Variants in WDPCP observed in about 807,000 individuals in gnomAD.
WDPCP encodes the protein WD repeat containing planar cell polarity effector, also known as WD repeat-containing and planar cell polarity effector protein fritz homolog.
In WDPCP, 71 loss-of-function variants were observed where a neutral mutation model predicts 93.1. The observed-to-expected ratio is 0.76, with a 90% CI of 0.63 to 0.93. The LOEUF (loss-of-function observed/expected upper bound fraction) is 0.93. Among genes scored for constraint, WDPCP ranks in the 40% least tolerant of loss-of-function variants. The pLI, the probability that WDPCP is intolerant of heterozygous loss-of-function variation, is 0.00. For missense variants in WDPCP, 844 were observed against 887.4 expected, an observed-to-expected ratio of 0.95 and a Z score of 0.62; for synonymous variants, 315 against 315.0, an observed-to-expected ratio of 1.00 and a Z score of 0.00.
intron 13 of WDPCP, among the ~76,000 whole-genome samples, chr2:63,278,261 C>T (rs778155397): frequency 1.6e-4 from 24 of 152,008 alleles, no homozygotes; most frequent in South Asian, 4.1e-4. Context: ...ACAGCAAAAG[C>T]GGTGCTAAGA....
At chr2:63,295,821 T>C (rs1006898793) in intron 13 of WDPCP, among the ~76,000 whole-genome samples, 4 of 147,028 alleles carry the variant, frequency 2.7e-5, no homozygotes, top group African/African-American at 1.0e-4. Context: ...GATGAACTCA[T>C]GGACTACTTT....
At chr2:63,705,883 T>C (rs1407927626) in intron 2 of WDPCP, among the ~76,000 whole-genome samples, 1 of 152,050 alleles carries the variant, frequency 6.6e-6, no homozygotes, top group African/African-American at 2.4e-5. Flanking sequence ...ATCTGTCTAA[T>C]GTTGACAGTG....
chr2:63,472,516 T>C (rs570137598), intron 6 of WDPCP, among the ~76,000 whole-genome samples: 1 of 152,278 alleles, frequency 6.6e-6, no homozygotes, highest in African/African-American at 2.4e-5. Flanking sequence ...TTCAAATGTA[T>C]TAATTTTTCT....
chr2:63,594,417 T>C (rs1239570382), intron 3 of WDPCP: 2 of 1,126,948 alleles, frequency 1.8e-6, no homozygotes, highest in East Asian at 2.4e-5. Context: ...TTTCTTACTA[T>C]AGATTAAAAT....
At chr2:63,460,480 A>G (rs1698930646) in intron 6 of WDPCP, among the ~76,000 whole-genome samples, 1 of 152,220 alleles carries the variant, frequency 6.6e-6, no homozygotes, top group Admixed American at 6.5e-5. Context: ...GAGAACTTGA[A>G]GTAATACCAA....
At chr2:63,679,130 G>T (rs1710459142) in intron 2 of WDPCP, among the ~76,000 whole-genome samples, 1 of 152,160 alleles carries the variant, frequency 6.6e-6, no homozygotes, top group South Asian at 2.1e-4. Flanking sequence ...TATATAATCT[G>T]CCTCAATTCA....
intron 2 of WDPCP, among the ~76,000 whole-genome samples, chr2:63,787,948 G>A (rs944661413): frequency 1.3e-5 from 2 of 152,054 alleles, no homozygotes; most frequent in African/African-American, 4.8e-5. Context: ...ACTGAGGCAG[G>A]AGAATGGCTT....
intron 6 of WDPCP, among the ~76,000 whole-genome samples, chr2:63,465,470 T>C (rs1420505403): frequency 1.3e-5 from 2 of 152,172 alleles, no homozygotes; most frequent in Non-Finnish European, 2.9e-5. Context: ...CAGGTTCCTA[T>C]TCTTTCTCAG....
At position 63,422,922 on chromosome 2, in the gene WDPCP, A is replaced by C. The variant is rs543569948; in HGVS notation, c.825+10823T>G. ...GGACTTCTACATTAAAAGAGATTTAAGATATACATTAAAATGTCTTAAGTG... is the reference window on the plus strand; with the variant it reads ...GGACTTCTACATTAAAAGAGATTTACGATATACATTAAAATGTCTTAAGTG... On this transcript the variant is annotated intron_variant, in intron 9 of 17. Transcript: ENST00000272321. Among the ~76,000 whole-genome samples, 4 of 152,362 alleles carry C rather than the reference A, an allele frequency of 2.6e-5. No individual in the cohort carries two copies. In the East Asian group the frequency reaches 5.8e-4, roughly 22 times the overall value.
intron 14 of WDPCP, among the ~76,000 whole-genome samples, chr2:63,218,265 T>A (rs1677515714): frequency 6.6e-6 from 1 of 152,180 alleles, no homozygotes; most frequent in African/African-American, 2.4e-5. Flanking sequence ...TCCTGTACTG[T>A]ATGAATTTTA....
At chr2:63,783,690 TCTCACTTAGAAGTCTGAG>T (rs1670429670) in intron 2 of WDPCP, among the ~76,000 whole-genome samples, 1 of 152,168 alleles carries the variant, frequency 6.6e-6, no homozygotes, top group Non-Finnish European at 1.5e-5. Context: ...TACCACATGT[TCTCACTTAGAAGTCTGAG>T]CTAAATAATG....
At chr2:63,397,740 T>C (rs1025308413) in intron 10 of WDPCP, among the ~76,000 whole-genome samples, 1 of 152,082 alleles carries the variant, frequency 6.6e-6, no homozygotes, top group African/African-American at 2.4e-5. Flanking sequence ...AAGTGACTGG[T>C]GACTTTTCCA....
intron 14 of WDPCP, among the ~76,000 whole-genome samples, chr2:63,195,723 A>T (rs967281048): frequency 3.3e-5 from 5 of 152,210 alleles, no homozygotes; most frequent in African/African-American, 1.2e-4. Context: ...TATCCAAAAA[A>T]ATTAAGAAAA....
intron 14 of WDPCP, among the ~76,000 whole-genome samples, chr2:63,179,996 T>C (rs182708007): frequency 1.2e-3 from 190 of 152,298 alleles, no homozygotes; most frequent in Middle Eastern, 6.8e-3. Context: ...GAGTGTTCTG[T>C]ATATGTTCTG....
At chr2:63,327,062 T>C (rs1252528401) in intron 12 of WDPCP, among the ~76,000 whole-genome samples, 1 of 152,096 alleles carries the variant, frequency 6.6e-6, no homozygotes, top group African/African-American at 2.4e-5. Flanking sequence ...CTTAATTAAT[T>C]ACCATACAAA....
intron 1 of WDPCP, among the ~76,000 whole-genome samples, chr2:63,575,335 GGTATATACTGTATATGGTATATACA>G (rs1336525974): frequency 1.6e-5 from 2 of 128,716 alleles, no homozygotes; most frequent in African/African-American, 5.8e-5. Flanking sequence ...CAGTATATAT[GGTATATACTGTATATGGTATATACA>G]GTATATACAG....
At chr2:63,581,994 T>TAA (rs748625052) in intron 1 of WDPCP, among the ~76,000 whole-genome samples, 1 of 133,942 alleles carries the variant, frequency 7.5e-6, no homozygotes. Flanking sequence ...AACCCTATCT[T>TAA]AAAAAAAAAA....
intron 2 of WDPCP, among the ~76,000 whole-genome samples, chr2:63,771,477 A>T (rs1186555558): frequency 6.6e-6 from 1 of 152,074 alleles, no homozygotes; most frequent in Non-Finnish European, 1.5e-5. Context: ...AAGAATAAAT[A>T]ACACCAATCT....
intron 2 of WDPCP, among the ~76,000 whole-genome samples, chr2:63,768,943 G>A (rs549160352): frequency 6.6e-6 from 1 of 152,008 alleles, no homozygotes; most frequent in East Asian, 1.9e-4. Flanking sequence ...AGAGATTAGT[G>A]GGATTCATTC....
Sources: gnomAD v4.1 joint callset for allele counts (sites outside exome capture counted in the v4.1 genomes callset) on GRCh38, gnomAD v4.1.1 for gene constraint, MANE v1.5 for transcripts, NCBI Gene and HGNC (gene_info 2026-07-23, HGNC 2026-07-21) for gene names.